Variants in TRHDE observed in about 807,000 individuals in gnomAD.
TRHDE encodes the protein thyrotropin-releasing hormone-degrading ectoenzyme.
In TRHDE, 72 loss-of-function variants were observed where a neutral mutation model predicts 125.7. That is an observed-to-expected ratio of 0.57 (90% CI 0.47 to 0.70). TRHDE has a LOEUF of 0.70. Among genes scored for constraint, TRHDE ranks in the 30% least tolerant of loss-of-function variants. The probability of loss-of-function intolerance (pLI) is 0.00; values close to 1 mark genes in which losing one functional copy is unlikely to be tolerated. For missense variants in TRHDE, 1,110 were observed against 1,327.1 expected, an observed-to-expected ratio of 0.84 and a Z score of 2.54; for synonymous variants, 509 against 509.1, an observed-to-expected ratio of 1.00 and a Z score of 0.00.
At chr12:72,254,877 TA>T (rs1342210797) in intron 2 of TRHDE, 1 of 152,194 alleles carries the variant, frequency 6.6e-6, no homozygotes, top group Non-Finnish European at 1.5e-5. Flanking sequence ...ATGCTATAAA[TA>T]ACTCTTCCCC....
chr12:72,589,737 G>A (rs936156086), intron 12 of TRHDE, among the ~76,000 whole-genome samples: 2 of 151,936 alleles, frequency 1.3e-5, no homozygotes, highest in African/African-American at 4.8e-5. Flanking sequence ...TGTCTTATGA[G>A]TTTTGTGAAA....
At chr12:72,521,536 G>A (rs1038697431) in intron 6 of TRHDE, among the ~76,000 whole-genome samples, 2 of 152,172 alleles carry the variant, frequency 1.3e-5, no homozygotes, top group Admixed American at 1.3e-4. Flanking sequence ...TCGTTTAGTT[G>A]TGTGCTGCCT....
chr12:72,457,906 C>T (rs753048829), intron 3 of TRHDE, among the ~76,000 whole-genome samples: 4 of 152,014 alleles, frequency 2.6e-5, no homozygotes, highest in Non-Finnish European at 2.9e-5. Context: ...TGTTTTCATA[C>T]TCCCTTCTAC....
intron 2 of TRHDE, among the ~76,000 whole-genome samples, chr12:72,317,337 A>G (rs1868850842): frequency 1.3e-5 from 2 of 152,216 alleles, no homozygotes; most frequent in African/African-American, 4.8e-5. Context: ...AATATGGCAG[A>G]TAAAAATTGT....
chr12:72,308,911 C>T (rs940005637), intron 2 of TRHDE, among the ~76,000 whole-genome samples: 2 of 152,056 alleles, frequency 1.3e-5, no homozygotes, highest in African/African-American at 4.8e-5. Context: ...CTGACTTCAC[C>T]TTTTGATAAC....
intron 2 of TRHDE, among the ~76,000 whole-genome samples, chr12:72,171,351 A>C (rs1480807476): frequency 6.6e-6 from 1 of 152,198 alleles, no homozygotes; most frequent in Admixed American, 6.5e-5. Context: ...GCTTTGTATA[A>C]ATGTGAGAAG....
chr12:72,372,266 G>C lies in TRHDE; in HGVS notation c.1189-5729G>C, dbSNP rs574271015. Among the ~76,000 whole-genome samples, 3 of 152,048 alleles carry C rather than the reference G, an allele frequency of 2.0e-5. No individual in the cohort carries two copies. In the South Asian group the frequency reaches 6.2e-4, roughly 32 times the overall value. On this transcript the variant is annotated intron_variant, in intron 2 of 18. Transcript: ENST00000261180. ...TTTTTTTTCTTGTAAATTTGTTTGA[G>C]TTCATTGTAGATTCTAGATATTAGC...
At chr12:72,383,511 G>A (rs991395742) in intron 3 of TRHDE, among the ~76,000 whole-genome samples, 1 of 151,138 alleles carries the variant, frequency 6.6e-6, no homozygotes, top group Non-Finnish European at 1.5e-5. Context: ...CCAGTAGCTG[G>A]GACTATAGGC....
At chr12:72,268,118 TGGC>T (rs1035029075), upstream of TRHDE, among the ~76,000 whole-genome samples, 1 of 152,136 alleles carries the variant, frequency 6.6e-6, no homozygotes, top group Admixed American at 6.5e-5. Context: ...TATTGCCACA[TGGC>T]GGCACCACTT....
In TRHDE at chr12:72,518,999, T is replaced by G. The variant is rs995381214; in HGVS notation, c.1722+19364T>G. ...CCCACTCTCTTCTGGCTGGTAGAGT[T>G]TCTGCCGAGAGATCTGCTGTTAGTC... On this transcript the variant is annotated intron_variant, in intron 6 of 18. Transcript: ENST00000261180. 2.6e-5 allele frequency among the ~76,000 whole-genome samples: 4 copies of G among 152,248 alleles called. No individual in the cohort carries two copies. In the East Asian group the frequency reaches 7.7e-4, roughly 29 times the overall value.
intron 6 of TRHDE, 64 bp from the exon 7 acceptor site, chr12:72,542,227 A>G: frequency 6.1e-6 from 8 of 1,312,078 alleles, no homozygotes; most frequent in Non-Finnish European, 8.4e-6. Flanking sequence ...AGATTTGAGT[A>G]AAACAACTTT....
chr12:72,109,942 T>C (rs1566220769), intron 2 of TRHDE, among the ~76,000 whole-genome samples: 3 of 152,128 alleles, frequency 2.0e-5, no homozygotes, highest in Admixed American at 1.3e-4. Context: ...GAAAAGTCTG[T>C]AGGTACTTTC....
At chr12:72,605,303 A>G (rs1872390864) in intron 12 of TRHDE, among the ~76,000 whole-genome samples, 1 of 152,164 alleles carries the variant, frequency 6.6e-6, no homozygotes. Context: ...AACTCTTTGT[A>G]GGTTCAAATT....
intron 2 of TRHDE, among the ~76,000 whole-genome samples, chr12:72,311,668 G>A (rs1368456042): frequency 6.6e-6 from 1 of 152,168 alleles, no homozygotes; most frequent in Non-Finnish European, 1.5e-5. Flanking sequence ...AATAATGACA[G>A]TATTAATCCT....
chr12:72,401,204 C>T (rs928919125), intron 3 of TRHDE, among the ~76,000 whole-genome samples: 6 of 152,168 alleles, frequency 3.9e-5, no homozygotes, highest in African/African-American at 9.6e-5. Context: ...GACAGTTTTG[C>T]TTTCTCAATT....
At chr12:72,467,422 C>T (rs1003395007) in intron 3 of TRHDE, among the ~76,000 whole-genome samples, 1 of 152,138 alleles carries the variant, frequency 6.6e-6, no homozygotes, top group Non-Finnish European at 1.5e-5. Context: ...GCTCATATTT[C>T]CCTTTTTTTC....
chr12:72,190,093 A>C (rs1300498128), intron 2 of TRHDE, among the ~76,000 whole-genome samples: 1 of 152,232 alleles, frequency 6.6e-6, no homozygotes, highest in African/African-American at 2.4e-5. Context: ...AATAATGACC[A>C]GAGTGTTTTT....
intron 3 of TRHDE, among the ~76,000 whole-genome samples, chr12:72,431,020 G>A (rs10879427): frequency 0.12 from 18,532 of 151,886 alleles, 1,576 homozygotes; most frequent in East Asian, 0.47. Flanking sequence ...TGATGTTATT[G>A]TAGATGGAAT....
At chr12:72,570,476 T>C (rs568363917) in intron 10 of TRHDE, among the ~76,000 whole-genome samples, 9 of 146,280 alleles carry the variant, frequency 6.2e-5, no homozygotes, top group Non-Finnish European at 1.3e-4. Context: ...AGCTACTCGG[T>C]AGACTGAGGC....
Sources: gnomAD v4.1 joint callset for allele counts (sites outside exome capture counted in the v4.1 genomes callset) on GRCh38, gnomAD v4.1.1 for gene constraint, MANE v1.5 for transcripts, NCBI Gene and HGNC (gene_info 2026-07-23, HGNC 2026-07-21) for gene names.